The following PCDHGA10 variants were observed in gnomAD, a reference collection of about 807,000 sequenced individuals.
PCDHGA10 encodes protocadherin gamma subfamily A, 10.
PCDHGA10 carries 42 observed loss-of-function variants against 59.5 expected under a neutral mutation model. The observed-to-expected ratio is 0.71, with a 90% confidence interval of 0.55 to 0.91. PCDHGA10 has a LOEUF of 0.91. Among genes scored for constraint, PCDHGA10 ranks in the 40% least tolerant of loss-of-function variants. PCDHGA10 has a pLI of 0.00. For synonymous variants in PCDHGA10, 511 were observed against 517.2 expected (o/e 0.99, Z 0.16); for missense variants, 1,111 against 1,198.2 (o/e 0.93, Z 1.07).
intron 2 of PCDHGA10, among the ~76,000 whole-genome samples, chr5:141,496,121 C>A (rs1391009290): frequency 6.6e-6 from 1 of 152,088 alleles, no homozygotes; most frequent in Non-Finnish European, 1.5e-5. Flanking sequence ...TCCTTCCCTG[C>A]CCCTCACACA....
intron 1 of PCDHGA10, among the ~76,000 whole-genome samples, chr5:141,464,794 A>C (rs2154568597): frequency 6.6e-6 from 1 of 152,128 alleles, no homozygotes; most frequent in East Asian, 1.9e-4. Flanking sequence ...GCCAAATTGC[A>C]GTGATGCAGT....
chr5:141,505,633 A>C, intron 3 of PCDHGA10, 152 bp downstream of exon 3: 3 of 1,471,286 alleles, frequency 2.0e-6, no homozygotes, highest in South Asian at 1.3e-5. Context: ...TCCAAACATA[A>C]AGCCTGGAAT....
At chr5:141,505,085 C>A (rs954289918) in intron 2 of PCDHGA10, among the ~76,000 whole-genome samples, 1 of 152,162 alleles carries the variant, frequency 6.6e-6, no homozygotes, top group Non-Finnish European at 1.5e-5. Context: ...TCGCTTGAAC[C>A]CAGGAGGTGG....
At chr5:141,418,744 T>C in intron 1 of PCDHGA10, 1 of 1,613,936 alleles carries the variant, frequency 6.2e-7, no homozygotes, top group Non-Finnish European at 8.5e-7. Context: ...TCTCTCTGGA[T>C]TACACTACAG....
Position 141,422,343 on chromosome 5 carries a change from G to T in PCDHGA10, c.2436+6732G>T, listed in dbSNP as rs764862139. ...GTACAGTGATTGCTCTTCTAAATGT[G>T]CAAGATCAAGATTCTGGAGAAAATG... On this transcript the variant is annotated intron_variant, in intron 1 of 3. Transcript: ENST00000398610. 1.9e-6 allele frequency: 3 copies of T among 1,551,388 alleles called. No individual in the cohort carries two copies. The East Asian group carries it at 6.7e-5, about 35-fold the overall frequency.
chr5:141,471,065 T>C (rs1355886133), intron 1 of PCDHGA10, among the ~76,000 whole-genome samples: 3 of 148,628 alleles, frequency 2.0e-5, no homozygotes, highest in Non-Finnish European at 3.0e-5. Context: ...TTTTTTTTTT[T>C]TGAGACAGGG....
At chr5:141,455,375 G>A (rs1247820974) in intron 1 of PCDHGA10, among the ~76,000 whole-genome samples, 1 of 152,132 alleles carries the variant, frequency 6.6e-6, no homozygotes, top group Non-Finnish European at 1.5e-5. Context: ...GAAGGGAGAA[G>A]ACAGAAGGAA....
Position 141,491,077 on chromosome 5 carries a change from T to TAGGA in PCDHGA10, c.2437-3730_2437-3729insAGGA, listed in dbSNP as rs752090443. 1.2e-6 allele frequency: 2 copies of TAGGA among 1,614,166 alleles called. No homozygotes were observed. Among genetic ancestry groups the TAGGA allele is most frequent in the Admixed American group, 3.3e-5 (2 of 60,014 alleles). On this transcript the variant is annotated intron_variant, in intron 1 of 3. Transcript: ENST00000398610. This position sits in a 1 kb window ranked among gnomAD's most constrained non-coding sequence, Gnocchi z 6.9. The stretch of plus-strand genomic sequence containing the variant: ...GCTCTCCTACTCACTGTTGCCACAG[T>TAGGA]CCACAGCCCCAGGACTGTTCCTCGT...
At chr5:141,469,543 C>G (rs1031152008) in intron 1 of PCDHGA10, among the ~76,000 whole-genome samples, 4 of 152,040 alleles carry the variant, frequency 2.6e-5, no homozygotes, top group Non-Finnish European at 4.4e-5. Flanking sequence ...CCACTGCACT[C>G]CAGCCTGGCG....
chr5:141,442,052 G>T (rs2098295034), intron 1 of PCDHGA10: 1 of 197,576 alleles, frequency 5.1e-6, no homozygotes, highest in South Asian at 6.6e-5. Flanking sequence ...TACTGGTCGC[G>T]GTGCACTGCG....
rs1453835891 is a variant in PCDHGA10 at position 141,477,494 on chromosome 5, T to G, written c.2437-17313T>G. On this transcript the variant is annotated intron_variant, in intron 1 of 3. Coordinates refer to ENST00000398610, the MANE Select transcript of PCDHGA10 (RefSeq NM_018913.3). The surrounding 1 kb of genome is among the most constrained non-coding windows in gnomAD (Gnocchi z 4.9). ...TGACAACCCTCCACAATCTTCTCAA[T>G]CTTCCTACGACGTTTACATTGAAGA... 1 of 1,614,088 alleles carries G rather than the reference T, an allele frequency of 6.2e-7. No individual in the cohort carries two copies.
Position 141,414,088 on chromosome 5 carries a change from A to T in PCDHGA10, c.913A>T (p.Ile305Leu). 6.3e-7 allele frequency: 1 copy of T among 1,599,384 alleles called. No homozygotes were observed. Among genetic ancestry groups the T allele is most frequent in the African/African-American group, 1.3e-5 (1 of 74,610 alleles). Residue 305 changes from isoleucine to leucine, a missense_variant, in exon 1 of 4, where the codon ATA becomes TTA. Physicochemically the swap from Ile to Leu is conservative, Grantham distance 5. Coordinates refer to ENST00000398610, the MANE Select transcript of PCDHGA10 (RefSeq NM_018913.3). ...CCAACTAAACAAATATACTGGAGAA[A>T]TAAAAATATCAGAAAATCTAGATTA... ...KFQLNKYTGE[I>L]KISENLDYEE... is the part of the protein sequence containing the mutation.
At position 141,499,027 on chromosome 5, in the gene PCDHGA10, A is replaced by AG. The variant is rs1323149397; in HGVS notation, c.2495+4163dup. 7.4e-3 allele frequency among the ~76,000 whole-genome samples: 1,116 copies of AG among 149,928 alleles called. 12 individuals are homozygous for AG. Among genetic ancestry groups the AG allele is most frequent in the African/African-American group, 0.026 (1,074 of 40,604 alleles). On this transcript the variant is annotated intron_variant, in intron 2 of 3. Transcript: ENST00000398610. ...AAGGAAGGAAGGAAGGAAGGAAGGA[A>AG]GAAAAGAAAGAAAAAGGGAGAAAAA...
Position 141,476,013 on chromosome 5 carries a change from G to A in PCDHGA10, c.2437-18794G>A. ...AAATCAACGGCATCCAGAAAGCCAT[G>A]TCGGACTCGGCGCCCAGCGCCCAAG... On this transcript the variant is annotated intron_variant, in intron 1 of 3. Coordinates refer to ENST00000398610, the MANE Select transcript of PCDHGA10 (RefSeq NM_018913.3). The surrounding 1 kb of genome is among the most constrained non-coding windows in gnomAD (Gnocchi z 7.6). The A allele has an allele frequency of 7.5e-7, 1 of 1,334,720 alleles. No individual in the cohort carries two copies. The highest frequency in any genetic ancestry group is 1.0e-6 in the Non-Finnish European group (1 of 983,502). 82.7% of individuals were successfully genotyped at this position (1,334,720 alleles called of 1,614,324 possible). A position where few individuals can be genotyped will look rare whatever the true frequency, so the allele number is the denominator to read the frequency against.
At position 141,477,067 on chromosome 5, in the gene PCDHGA10, C is replaced by G. The variant is rs370882752; in HGVS notation, c.2437-17740C>G. 5.6e-5 allele frequency: 91 copies of G among 1,614,116 alleles called. No individual in the cohort carries two copies. Among genetic ancestry groups the G allele is most frequent in the Non-Finnish European group, 7.7e-5 (91 of 1,180,042 alleles). ...GGCTGGACTTCGAGGACACCAAACT[C>G]CATGAGATTTACATCCAGGCCAAAG... On this transcript the variant is annotated intron_variant, in intron 1 of 3. Transcript: ENST00000398610. This position sits in a 1 kb window ranked among gnomAD's most constrained non-coding sequence, Gnocchi z 4.9.
At chr5:141,498,419 G>A (rs78940285) in intron 2 of PCDHGA10, among the ~76,000 whole-genome samples, 4,023 of 152,260 alleles carry the variant, frequency 0.026, 75 homozygotes, top group Non-Finnish European at 0.043. Flanking sequence ...TGCTGGCACT[G>A]GAGTGAGGGG....
rs779065098 is a variant in PCDHGA10, at chr5:141,491,758, C to G, written c.2437-3049C>G. The G allele has an allele frequency of 1.9e-6, 3 of 1,578,788 alleles. No individual in the cohort carries two copies. The highest frequency in any genetic ancestry group is 1.7e-4 in the Middle Eastern group (1 of 5,954). ...TGGGGGCGGCACTGGAGAAGCCGCCCGTCCTCATAAGGGATTGAACTTGCA... is the reference window on the plus strand; with the variant it reads ...TGGGGGCGGCACTGGAGAAGCCGCCGGTCCTCATAAGGGATTGAACTTGCA... On this transcript the variant is annotated intron_variant, in intron 1 of 3. Transcript: ENST00000398610. This position sits in a 1 kb window ranked among gnomAD's most constrained non-coding sequence, Gnocchi z 6.9.
chr5:141,414,681 G>A lies in PCDHGA10; in HGVS notation c.1506G>A (p.Gly502=). ...CCCTGGCTGAAGACACCATCCAGGG[G>A]GTACCTCTGTCCTCATACATATCCA... ...IYSLAEDTIQ[G]VPLSSYISIN... The change falls in exon 1 of 4, where the codon GGG becomes GGA. Residue 502 remains glycine, a synonymous_variant. Transcript: ENST00000398610. 6.2e-7 allele frequency: 1 copy of A among 1,613,954 alleles called. No individual in the cohort carries two copies. Among genetic ancestry groups the A allele is most frequent in the African/African-American group, 1.3e-5 (1 of 75,032 alleles).
At chr5:141,423,448 T>A (rs780751840) in intron 1 of PCDHGA10, 1 of 1,613,992 alleles carries the variant, frequency 6.2e-7, no homozygotes, top group East Asian at 2.2e-5. Context: ...CACGTCACAT[T>A]TTGTAGGCGT....
Sources: gnomAD v4.1 joint callset for allele counts (sites outside exome capture counted in the v4.1 genomes callset) on GRCh38, gnomAD v4.1.1 for gene constraint, Gnocchi (gnomAD v3.1) non-coding constraint, MANE v1.5 for transcripts, NCBI Gene and HGNC (gene_info 2026-07-23, HGNC 2026-07-21) for gene names.